IGDCC4: variants seen among roughly 807,000 people sequenced by gnomAD.
IGDCC4 encodes immunoglobulin superfamily DCC subclass member 4.
A neutral mutation model predicts 116.6 loss-of-function variants in IGDCC4; 72 were observed. That is an observed-to-expected ratio of 0.62 (90% confidence interval 0.51 to 0.75). The LOEUF (loss-of-function observed/expected upper bound fraction) is 0.75, where lower values mean the gene tolerates loss of function less well. IGDCC4 is among the 30% of genes least tolerant of loss of function. The pLI is 0.00. For missense variants in IGDCC4, 1,501 were observed against 1,662.4 expected, an observed-to-expected ratio of 0.90 and a Z score of 1.69; for synonymous variants, 709 against 719.9, an observed-to-expected ratio of 0.98 and a Z score of 0.24.
intron 1 of IGDCC4, among the ~76,000 whole-genome samples, chr15:65,422,339 C>T (rs1300920332): frequency 6.6e-6 from 1 of 152,030 alleles, no homozygotes; most frequent in East Asian, 1.9e-4. Context: ...ACGCACCCGA[C>T]CCAAATGGAG....
intron 11 of IGDCC4, 32 bp from the exon 12 acceptor site, chr15:65,392,013 G>C: frequency 6.4e-7 from 1 of 1,574,704 alleles, no homozygotes. Flanking sequence ...AATGGCTAGG[G>C]GGACATCTGG....
chr15:65,392,211 C>A lies in IGDCC4; in HGVS notation c.2045G>T (p.Gly682Val). Residue 682 changes from glycine to valine, a missense_variant, in exon 11 of 20, where the codon GGC (glycine) becomes GTC (valine). By Grantham distance (109) the Gly-to-Val change is moderately radical (BLOSUM62 -3). This residue lies in a region of IGDCC4 where 898 missense variants were observed against 978.9 expected (regional missense o/e 0.92). Coordinates refer to ENST00000352385, the MANE Select transcript of IGDCC4 (RefSeq NM_020962.3). The stretch of plus-strand genomic sequence containing the variant: ...CACATCCCAAGCCTGGTCTCCACGG[C>A]CCCCTGGCAGGCGATCGCCATTGGC... ...EEANGDRLPG[G>V]RGDQAWDVGP... is the part of the protein sequence containing the mutation. 6.2e-7 allele frequency: 1 copy of A among 1,613,714 alleles called. No individual in the cohort carries two copies. The highest frequency in any genetic ancestry group is 8.5e-7 in the Non-Finnish European group (1 of 1,179,808).
At chr15:65,387,515 A>G (rs2091471198) in intron 16 of IGDCC4, among the ~76,000 whole-genome samples, 1 of 150,850 alleles carries the variant, frequency 6.6e-6, no homozygotes, top group African/African-American at 2.4e-5. Flanking sequence ...CGCCCAGCTA[A>G]TTTTTTTTTG....
chr15:65,393,289 C>T lies in IGDCC4; in HGVS notation c.1885+72G>A, dbSNP rs985457959. On this transcript the variant is annotated intron_variant, in intron 10 of 19. Transcript: ENST00000352385. The surrounding 1 kb of genome is among the most constrained non-coding windows in gnomAD (Gnocchi z 4.6). ...GAGGGCGGGGCCAGGGGGTGGGGCG[C>T]TGGGTCCCAAGGACACACGCACACC... The T allele has an allele frequency of 6.2e-6, 9 of 1,460,890 alleles. No homozygotes were observed. Among genetic ancestry groups the T allele is most frequent in the Non-Finnish European group, 8.2e-6 (9 of 1,098,690 alleles). 90.5% of individuals were successfully genotyped at this position (1,460,890 alleles called of 1,614,324 possible).
intron 16 of IGDCC4, among the ~76,000 whole-genome samples, 179 bp downstream of exon 16, chr15:65,388,270 C>T (rs1468378902): frequency 2.0e-5 from 3 of 151,876 alleles, no homozygotes; most frequent in African/African-American, 7.3e-5. Flanking sequence ...AAGCCAGTCC[C>T]CCACGAACCT....
Position 65,385,949 on chromosome 15 carries a change from A to T in IGDCC4, c.3062T>A (p.Leu1021His). 6.3e-7 allele frequency: 1 copy of T among 1,593,972 alleles called. No homozygotes were observed. The highest frequency in any genetic ancestry group is 8.6e-7 in the Non-Finnish European group (1 of 1,168,960). Reference sequence around the variant, plus strand: ...CCAGTCCTGGGGATGGGGGTGCACAAGGGACTCCAATTCATGGGCAGCTGG... The same window carrying T: ...CCAGTCCTGGGGATGGGGGTGCACATGGGACTCCAATTCATGGGCAGCTGG... ...SPPAAHELES[L>H]VHPHPQDWSP... The change falls in exon 18 of 20, where the codon CTT becomes CAT. Residue 1021 changes from leucine (L) to histidine (H), a missense_variant. Around this residue, in one of 3 missense-constraint regions of IGDCC4, gnomAD observed 368 missense variants for 355.6 expected, o/e 1.03. Coordinates refer to ENST00000352385, the MANE Select transcript of IGDCC4 (RefSeq NM_020962.3).
chr15:65,402,980 T>C (rs980236780), intron 3 of IGDCC4, among the ~76,000 whole-genome samples: 6 of 152,220 alleles, frequency 3.9e-5, no homozygotes, highest in Non-Finnish European at 8.8e-5. Flanking sequence ...CACTCCTGCC[T>C]CGATGGTGGC....
At position 65,394,514 on chromosome 15, in the gene IGDCC4, G is replaced by T. The variant is rs765142917; in HGVS notation, c.1611C>A (p.Ser537Arg). The T allele has an allele frequency of 6.2e-7, 1 of 1,612,092 alleles. No homozygotes were observed. Among genetic ancestry groups the T allele is most frequent in the Non-Finnish European group, 8.5e-7 (1 of 1,178,856 alleles). Residue 537 changes from serine (S) to arginine (R), a missense_variant, in exon 9 of 20, where the codon AGC becomes AGA. By Grantham distance (110) the Ser-to-Arg change is moderately radical. Transcript: ENST00000352385. ...PSAAPQLSLS[S>R]PNPSDIRVAW... ...CCACCCTGATGTCCGAAGGGTTGGGGCTGGACAGGGAGAGCTGGGGTGCTG... is the reference window on the plus strand; with the variant it reads ...CCACCCTGATGTCCGAAGGGTTGGGTCTGGACAGGGAGAGCTGGGGTGCTG...
intron 17 of IGDCC4, among the ~76,000 whole-genome samples, chr15:65,386,287 T>C (rs1019192667): frequency 8.5e-5 from 13 of 152,228 alleles, no homozygotes; most frequent in African/African-American, 2.9e-4. Flanking sequence ...GGGGCCCCTC[T>C]TTCCAAGATG....
rs142147613 is a variant in IGDCC4 at position 65,415,575 on chromosome 15, G to T, written c.71-4205C>A. Among the ~76,000 whole-genome samples the T allele has an allele frequency of 2.2e-3, 328 of 152,344 alleles. 3 individuals are homozygous for T. The highest frequency in any genetic ancestry group is 5.9e-3 in the African/African-American group (245 of 41,570). ...AGTGCTGTGCCAGGAGCCCAAGACA[G>T]CCCATTTTAGTGGAAACGTCTGTGA... On this transcript the variant is annotated intron_variant, in intron 1 of 19. Coordinates refer to ENST00000352385, the MANE Select transcript of IGDCC4 (RefSeq NM_020962.3).
intron 8 of IGDCC4, 104 bp downstream of exon 8, chr15:65,394,990 T>C: frequency 8.1e-7 from 1 of 1,241,196 alleles, no homozygotes. Flanking sequence ...AAAGATGATA[T>C]GAGCAGGTAA....
At chr15:65,390,867 A>G (rs2091507891) in intron 12 of IGDCC4, among the ~76,000 whole-genome samples, 1 of 152,248 alleles carries the variant, frequency 6.6e-6, no homozygotes. Context: ...GTCCACCACT[A>G]AATTCCCAAA....
chr15:65,390,258 G>A lies in IGDCC4; in HGVS notation c.2305C>T (p.Arg769Trp), dbSNP rs574650328. ...ESNSSTSIWLRWKKPDFTTVK... is the reference protein window; with the variant it reads ...ESNSSTSIWLWWKKPDFTTVK... ...GTGGTGAAATCTGGCTTTTTCCACC[G>A]AAGCCAGATGGATGTGGAGCTGTTT... is the stretch of plus-strand genomic sequence containing the variant. Residue 769 changes from arginine to tryptophan, a missense_variant, in exon 13 of 20, where the codon CGG (arginine) becomes TGG (tryptophan). Physicochemically the swap from Arg to Trp is moderately radical, Grantham distance 101. Around this residue, in one of 3 missense-constraint regions of IGDCC4, gnomAD observed 235 missense variants for 328.0 expected, o/e 0.72. Coordinates refer to ENST00000352385, the MANE Select transcript of IGDCC4 (RefSeq NM_020962.3). 25 of 1,613,442 alleles carry A rather than the reference G, an allele frequency of 1.5e-5. No homozygotes were observed. The highest frequency in any genetic ancestry group is 6.7e-5 in the African/African-American group (5 of 74,930).
Position 65,384,162 on chromosome 15 carries a change from C to T in IGDCC4, c.3600G>A (p.Leu1200=). The T allele has an allele frequency of 6.2e-7, 1 of 1,613,690 alleles. No individual in the cohort carries two copies. The highest frequency in any genetic ancestry group is 8.5e-7 in the Non-Finnish European group (1 of 1,179,858). The change falls in exon 20 of 20, where the codon TTG becomes TTA. Residue 1200 remains leucine, a synonymous_variant. Transcript: ENST00000352385. This position sits in a 1 kb window ranked among gnomAD's most constrained non-coding sequence, Gnocchi z 4.9. ...AAPGPDRLTC[L]PEAASASCSY... is the part of the protein sequence containing the mutation. Reference sequence around the variant, plus strand: ...AGCAGGAAGCACTGGCTGCCTCTGGCAAGCAGGTAAGTCTGTCTGGCCCGG... The same window carrying T: ...AGCAGGAAGCACTGGCTGCCTCTGGTAAGCAGGTAAGTCTGTCTGGCCCGG...
chr15:65,383,738 C>A lies in IGDCC4; in HGVS notation c.*271G>T. 2.8e-6 allele frequency: 1 copy of A among 354,972 alleles called. No homozygotes were observed. The highest frequency in any genetic ancestry group is 1.0e-4 in the South Asian group (1 of 9,730). 22.0% of individuals were successfully genotyped at this position (354,972 alleles called of 1,614,324 possible). On this transcript the variant is annotated 3_prime_UTR_variant, in exon 20 of 20. Transcript: ENST00000352385. Reference sequence around the variant, plus strand: ...CTGCCTGGGCCACGGTTTCCCAGCTCAACAACCAGTACGCATACATGCACT... The same window carrying A: ...CTGCCTGGGCCACGGTTTCCCAGCTAAACAACCAGTACGCATACATGCACT...
rs1415869459 is a variant in IGDCC4 at position 65,402,450 on chromosome 15, C to G, written c.601G>C (p.Asp201His). 6 of 1,567,092 alleles carry G rather than the reference C, an allele frequency of 3.8e-6. No homozygotes were observed. The highest frequency in any genetic ancestry group is 2.3e-5 in the East Asian group (1 of 42,994). The change falls in exon 4 of 20, where the codon GAT becomes CAT. Residue 201 changes from aspartate to histidine, a missense_variant. Physicochemically the swap from Asp to His is moderately conservative, Grantham distance 81 (BLOSUM62 -1). This residue lies in a region of IGDCC4 where 898 missense variants were observed against 978.9 expected (regional missense o/e 0.92). Coordinates refer to ENST00000352385, the MANE Select transcript of IGDCC4 (RefSeq NM_020962.3). ...GGGCCTGCATCACTCTCCTGAACAT[C>G]CAGGATCTGAAGGACGCCGTTGGGA... ...VLPNGVLQIL[D>H]VQESDAGPYR...
chr15:65,387,185 C>T (rs1427889660), intron 16 of IGDCC4, among the ~76,000 whole-genome samples: 1 of 151,874 alleles, frequency 6.6e-6, no homozygotes, highest in Admixed American at 6.6e-5. Flanking sequence ...AGCTACCACA[C>T]CCAGATAATT....
At chr15:65,391,677 G>T (rs1484197802) in intron 12 of IGDCC4, among the ~76,000 whole-genome samples, 1 of 152,230 alleles carries the variant, frequency 6.6e-6, no homozygotes, top group African/African-American at 2.4e-5. Context: ...GCAGGCCTAA[G>T]ACAGTGAACA....
intron 1 of IGDCC4, among the ~76,000 whole-genome samples, chr15:65,411,764 G>A (rs1476450460): frequency 2.0e-5 from 3 of 152,156 alleles, no homozygotes; most frequent in Non-Finnish European, 2.9e-5. Context: ...TCATTTCTAC[G>A]AAATGCCCAG....
Sources: gnomAD v4.1 joint callset for allele counts (sites outside exome capture counted in the v4.1 genomes callset) on GRCh38, gnomAD v4.1.1 for gene constraint, gnomAD v4.1.1 regional missense constraint, Gnocchi (gnomAD v3.1) non-coding constraint, MANE v1.5 for transcripts, NCBI Gene and HGNC (gene_info 2026-07-23, HGNC 2026-07-21) for gene names.